SPATA7: variants seen among roughly 807,000 people sequenced by gnomAD.
SPATA7 encodes spermatogenesis associated 7.
SPATA7 carries 43 observed loss-of-function variants against 51.8 expected under a neutral mutation model. The ratio of observed to expected loss-of-function variants is 0.83; its 90% confidence interval spans 0.65 to 1.07. The LOEUF is 1.07. Among genes scored for constraint, SPATA7 ranks in the 50% least tolerant of loss-of-function variants. SPATA7 has a pLI of 0.00. For synonymous variants in SPATA7, 230 were observed against 252.8 expected (o/e 0.91, Z 0.86); for missense variants, 683 against 701.3 (o/e 0.97, Z 0.30).
intron 4 of SPATA7, among the ~76,000 whole-genome samples, chr14:88,461,103 G>GTGTC (rs2077314360): frequency 6.6e-6 from 1 of 152,220 alleles, no homozygotes; most frequent in Non-Finnish European, 1.5e-5. Flanking sequence ...GCCATGTGAG[G>GTGTC]TGTCAGTCTG....
chr14:88,438,795 C>T (rs2077158087), downstream of SPATA7, among the ~76,000 whole-genome samples: 1 of 152,176 alleles, frequency 6.6e-6, no homozygotes, highest in African/African-American at 2.4e-5. Flanking sequence ...GCCACTTGGC[C>T]CTTTCCTTAG....
intron 5 of SPATA7, among the ~76,000 whole-genome samples, chr14:88,421,894 G>A (rs1388729966): frequency 6.6e-6 from 1 of 150,724 alleles, no homozygotes. Flanking sequence ...GTTGCAGTGA[G>A]CCAAGATTGT....
At chr14:88,461,669 T>TC (rs1436986044) in intron 4 of SPATA7, among the ~76,000 whole-genome samples, 5 of 152,124 alleles carry the variant, frequency 3.3e-5, no homozygotes, top group Non-Finnish European at 7.4e-5. Context: ...GCTGAGGCGA[T>TC]GCCTCACCCT....
At chr14:88,425,689 T>G (rs1358477906) in intron 5 of SPATA7, among the ~76,000 whole-genome samples, 1 of 152,056 alleles carries the variant, frequency 6.6e-6, no homozygotes, top group African/African-American at 2.4e-5. Flanking sequence ...GAGAAATATA[T>G]ATGAAATTAT....
chr14:88,470,138 TTTTTTTA>T (rs2077437284), exon 5 of SPATA7: 1 of 1,391,348 alleles, frequency 7.2e-7, no homozygotes, highest in East Asian at 2.5e-5. Context: ...ACTAAAAAAG[TTTTTTTA>T]AAAAAGTAAA....
At chr14:88,410,865 C>T (rs2076323214) in intron 4 of SPATA7, 1 of 153,308 alleles carries the variant, frequency 6.5e-6, no homozygotes, top group African/African-American at 2.4e-5. Context: ...GTCAGGGACC[C>T]ACCTGAGGAG....
chr14:88,391,068 A>G (rs771298627), intron 1 of SPATA7, among the ~76,000 whole-genome samples: 1 of 152,100 alleles, frequency 6.6e-6, no homozygotes, highest in South Asian at 2.1e-4. Flanking sequence ...AGTCATCCAT[A>G]TATCTTCTAG....
At chr14:88,391,745 G>A (rs1480366632) in intron 2 of SPATA7, 1 of 434,556 alleles carries the variant, frequency 2.3e-6, no homozygotes, top group Non-Finnish European at 4.3e-6. Flanking sequence ...AGGCATACCT[G>A]CCTTGTTAAA....
chr14:88,414,673 G>T, intron 4 of SPATA7: 1 of 409,310 alleles, frequency 2.4e-6, no homozygotes. Flanking sequence ...TCTTGATGTA[G>T]GTATTTAGCA....
chr14:88,396,917 G>A (rs2075899188), intron 4 of SPATA7, among the ~76,000 whole-genome samples: 1 of 141,508 alleles, frequency 7.1e-6, no homozygotes, highest in Admixed American at 7.8e-5. Context: ...ATTGCCCTGG[G>A]GCTAAAGTGC....
chr14:88,391,244 A>G (rs2075736112), intron 1 of SPATA7, 137 bp from the exon 2 acceptor site: 4 of 723,232 alleles, frequency 5.5e-6, no homozygotes, highest in South Asian at 3.6e-5. Context: ...GGAGATTACT[A>G]CTAAAAACGC....
At chr14:88,443,846 G>T (rs2077194582) in intron 3 of SPATA7, among the ~76,000 whole-genome samples, 1 of 152,168 alleles carries the variant, frequency 6.6e-6, no homozygotes, top group South Asian at 2.1e-4. Flanking sequence ...GTATTGCATG[G>T]TGTGTATGTG....
intron 3 of SPATA7, among the ~76,000 whole-genome samples, chr14:88,447,397 T>C (rs1372741121): frequency 6.6e-6 from 1 of 151,284 alleles, no homozygotes; most frequent in Non-Finnish European, 1.5e-5. Flanking sequence ...TGAGATGGGT[T>C]TCCTGAATAC....
At position 88,433,126 on chromosome 14, in the gene SPATA7, CT is replaced by C; in HGVS notation, c.1083-5del. ...AATTTTTATGCTATATATTGCCTTCCTTTTACAGTGAAGAAGAACTGTTGTA... is the reference window on the plus strand; with the variant it reads ...AATTTTTATGCTATATATTGCCTTCCTTTACAGTGAAGAAGAACTGTTGTA... On this transcript the variant is annotated splice_region_variant and splice_polypyrimidine_tract_variant and intron_variant, in intron 9 of 11. Transcript: ENST00000393545. The C allele has an allele frequency of 1.2e-6, 2 of 1,607,204 alleles. No individual in the cohort carries two copies.
At chr14:88,387,131 A>G (rs1285434948) in intron 1 of SPATA7, among the ~76,000 whole-genome samples, 1 of 152,232 alleles carries the variant, frequency 6.6e-6, no homozygotes, top group Non-Finnish European at 1.5e-5. Flanking sequence ...CAGCGGCAGA[A>G]CAGGATTTGA....
At chr14:88,443,250 G>C (rs1377268959), downstream of SPATA7, among the ~76,000 whole-genome samples, 1 of 152,012 alleles carries the variant, frequency 6.6e-6, no homozygotes, top group Non-Finnish European at 1.5e-5. Flanking sequence ...GCCTATTTTT[G>C]TTGGTAATTT....
At chr14:88,466,007 C>A (rs549246372) in intron 4 of SPATA7, 27 of 151,274 alleles carry the variant, frequency 1.8e-4, no homozygotes, top group Non-Finnish European at 4.0e-4. Flanking sequence ...TTCTTGTCAA[C>A]GAGCTATGTC....
chr14:88,444,545 A>C (rs1300595027), intron 3 of SPATA7, among the ~76,000 whole-genome samples: 2 of 151,580 alleles, frequency 1.3e-5, no homozygotes, highest in African/African-American at 4.9e-5. Flanking sequence ...TGTTTTAGAC[A>C]TGAAGTCCTT....
At chr14:88,429,683 G>T (rs2076888800) in intron 8 of SPATA7, among the ~76,000 whole-genome samples, 2 of 151,876 alleles carry the variant, frequency 1.3e-5, no homozygotes, top group South Asian at 4.1e-4. Context: ...CATTAGTAAA[G>T]GAAAAAACCA....
Sources: gnomAD v4.1 joint callset for allele counts (sites outside exome capture counted in the v4.1 genomes callset) on GRCh38, gnomAD v4.1.1 for gene constraint, MANE v1.5 for transcripts, NCBI Gene and HGNC (gene_info 2026-07-23, HGNC 2026-07-21) for gene names.